The following PAK1 variants were observed in gnomAD, a reference collection of about 807,000 sequenced individuals.
PAK1 encodes serine/threonine-protein kinase PAK 1.
Under a neutral mutation model 67.4 loss-of-function variants are expected in PAK1, and 29 were observed. The observed-to-expected ratio is 0.43, with a 90% CI of 0.32 to 0.59. The LOEUF is 0.59. Ranked by LOEUF, PAK1 falls within the 20% of genes least tolerant of loss-of-function variation. The pLI is 0.07. For missense variants in PAK1, 337 were observed against 670.7 expected (o/e 0.50, Z 5.50); for synonymous variants, 223 against 237.4 (o/e 0.94, Z 0.56).
chr11:77,431,840 A>G (rs1955875296), intron 1 of PAK1, among the ~76,000 whole-genome samples: 1 of 152,246 alleles, frequency 6.6e-6, no homozygotes, highest in East Asian at 1.9e-4. Flanking sequence ...AAGAGAAAGG[A>G]TATACCTGAA....
At chr11:77,340,104 CT>C (rs1175661156) in intron 11 of PAK1, among the ~76,000 whole-genome samples, 2 of 152,002 alleles carry the variant, frequency 1.3e-5, no homozygotes, top group Non-Finnish European at 2.9e-5. Context: ...GCTTTGTTTT[CT>C]TTTTTTATTT....
intron 1 of PAK1, among the ~76,000 whole-genome samples, chr11:77,420,818 G>A (rs1162246439): frequency 1.3e-5 from 2 of 152,146 alleles, no homozygotes; most frequent in Non-Finnish European, 2.9e-5. Context: ...AAAACAACTG[G>A]GTAAGTGCTA....
intron 1 of PAK1, among the ~76,000 whole-genome samples, chr11:77,410,450 A>T (rs1303310944): frequency 3.9e-5 from 6 of 152,230 alleles, no homozygotes; most frequent in Non-Finnish European, 8.8e-5. Flanking sequence ...TAAAAGCTAG[A>T]TGCAAGTGAG....
At chr11:77,468,402 C>T (rs2135549379) in intron 1 of PAK1, among the ~76,000 whole-genome samples, 1 of 152,300 alleles carries the variant, frequency 6.6e-6, no homozygotes, top group Non-Finnish European at 1.5e-5. Flanking sequence ...ATATACATGA[C>T]TTTCCCCATC....
At chr11:77,495,991 C>G in the PAK1 span, among the ~76,000 whole-genome samples, 118,095 of 151,052 alleles carry the variant, frequency 0.78, 47,287 homozygotes, top group African/African-American at 0.94. Context: ...CAACAATGTG[C>G]ATGTACTTAA....
At chr11:77,365,062 T>C (rs1947313847) in intron 5 of PAK1, among the ~76,000 whole-genome samples, 1 of 151,674 alleles carries the variant, frequency 6.6e-6, no homozygotes, top group Non-Finnish European at 1.5e-5. Context: ...GCCTGGCCAA[T>C]ATGGTGAAAC....
At chr11:77,428,425 A>C (rs1955671310) in intron 1 of PAK1, among the ~76,000 whole-genome samples, 1 of 152,070 alleles carries the variant, frequency 6.6e-6, no homozygotes, top group Admixed American at 6.6e-5. Context: ...GAAAAAAATT[A>C]GCTGGGCATG....
intron 1 of PAK1, among the ~76,000 whole-genome samples, chr11:77,417,720 C>T (rs1293680038): frequency 6.9e-6 from 1 of 144,656 alleles, no homozygotes; most frequent in East Asian, 2.0e-4. Context: ...AGGGATTCTG[C>T]GTTTTCTTTT....
intron 1 of PAK1, among the ~76,000 whole-genome samples, chr11:77,449,328 G>A (rs1200121737): frequency 2.0e-5 from 3 of 152,176 alleles, no homozygotes; most frequent in African/African-American, 4.8e-5. Context: ...TAGGCAGTGC[G>A]CTTAAAGAGA....
intron 1 of PAK1, among the ~76,000 whole-genome samples, chr11:77,428,315 G>C (rs1320850233): frequency 6.6e-6 from 1 of 152,140 alleles, no homozygotes; most frequent in Non-Finnish European, 1.5e-5. Flanking sequence ...TGTAATCCCA[G>C]CACTTTGGGA....
At chr11:77,359,997 T>C (rs1391932844) in intron 5 of PAK1, among the ~76,000 whole-genome samples, 4 of 152,088 alleles carry the variant, frequency 2.6e-5, no homozygotes, top group African/African-American at 9.7e-5. Flanking sequence ...TTGACATAAA[T>C]GTACAAAGAT....
intron 2 of PAK1, among the ~76,000 whole-genome samples, chr11:77,391,748 T>C (rs915592102): frequency 6.6e-6 from 1 of 152,224 alleles, no homozygotes; most frequent in East Asian, 1.9e-4. Flanking sequence ...CTATTCATCA[T>C]ATGATTACTC....
intron 2 of PAK1, among the ~76,000 whole-genome samples, chr11:77,381,010 C>G (rs956571773): frequency 1.3e-5 from 2 of 152,110 alleles, no homozygotes; most frequent in Non-Finnish European, 2.9e-5. Flanking sequence ...AACACACTAA[C>G]CAAAAGAAAT....
chr11:77,419,171 T>C lies in PAK1; in HGVS notation c.-21-26630A>G, dbSNP rs1955126629. ...TACTTATGAAATTGAGGCATACTGG[T>C]AAGATGCCAGCAGTTTTATTTATTA... is the stretch of plus-strand genomic sequence containing the variant. On this transcript the variant is annotated intron_variant, in intron 1 of 14. Transcript: ENST00000356341. Among the ~76,000 whole-genome samples, 6 of 152,186 alleles carry C rather than the reference T, an allele frequency of 3.9e-5. No individual in the cohort carries two copies. In the South Asian group the frequency reaches 1.2e-3, roughly 31 times the overall value.
rs1457713389 is a variant in PAK1, at chr11:77,354,339, T to C, written c.773-740A>G. Among the ~76,000 whole-genome samples, 4 of 152,188 alleles carry C rather than the reference T, an allele frequency of 2.6e-5. No homozygotes were observed. In the East Asian group the frequency reaches 7.7e-4, roughly 29 times the overall value. Reference sequence around the variant, plus strand: ...GTCTCCCGGTCCAATGTGCTCTCCATTAATACCCAATTACTAGGAATTGGT... The same window carrying C: ...GTCTCCCGGTCCAATGTGCTCTCCACTAATACCCAATTACTAGGAATTGGT... On this transcript the variant is annotated intron_variant, in intron 7 of 14. Transcript: ENST00000356341.
At chr11:77,340,850 A>C in intron 10 of PAK1, 87 bp from the exon 11 acceptor site, 2 of 784,670 alleles carry the variant, frequency 2.5e-6, no homozygotes, top group East Asian at 4.9e-5. Context: ...GCATATACAC[A>C]GAGTGAAACT....
chr11:77,526,394 A>G, the PAK1 span, among the ~76,000 whole-genome samples: 1 of 152,210 alleles, frequency 6.6e-6, no homozygotes, highest in Non-Finnish European at 1.5e-5. Context: ...CTTCCATCCA[A>G]CAACTCTGCT....
At chr11:77,404,107 A>C (rs1192281133) in intron 1 of PAK1, among the ~76,000 whole-genome samples, 1 of 152,110 alleles carries the variant, frequency 6.6e-6, no homozygotes, top group Non-Finnish European at 1.5e-5. Flanking sequence ...ACTTTAAGAA[A>C]TATGTTTCTT....
intron 1 of PAK1, among the ~76,000 whole-genome samples, chr11:77,461,705 A>T (rs1196675531): frequency 6.6e-6 from 1 of 152,246 alleles, no homozygotes; most frequent in African/African-American, 2.4e-5. Context: ...GGTTGTCAGG[A>T]TGGCATCATA....
Sources: allele counts gnomAD v4.1 joint callset (sites outside exome capture counted in the v4.1 genomes callset), GRCh38; gene constraint gnomAD v4.1.1; transcripts MANE v1.5; gene names NCBI Gene and HGNC (gene_info 2026-07-23, HGNC 2026-07-21).